The following SEPTIN9 variants were observed in gnomAD, a reference collection of about 807,000 sequenced individuals.
The protein encoded by SEPTIN9 is septin-9.
Under a neutral mutation model 56.6 loss-of-function variants are expected in SEPTIN9, and 13 were observed. That is an observed-to-expected ratio of 0.23 (90% CI 0.15 to 0.37). SEPTIN9 has a LOEUF of 0.37. Among genes scored for constraint, SEPTIN9 ranks in the 10% least tolerant of loss-of-function variants. The pLI, the probability that SEPTIN9 is intolerant of heterozygous loss-of-function variation, is 1.00. For synonymous variants in SEPTIN9, 332 were observed against 334.1 expected, an observed-to-expected ratio of 0.99 and a Z score of 0.07; for missense variants, 650 against 823.1, an observed-to-expected ratio of 0.79 and a Z score of 2.57.
chr17:77,359,882 C>T (rs412112), intron 2 of SEPTIN9, among the ~76,000 whole-genome samples: 41,469 of 151,864 alleles, frequency 0.27, 6,562 homozygotes, highest in East Asian at 0.8. Context: ...ATAGCAAACC[C>T]GGGTGGGCGC....
chr17:77,444,967 C>T (rs1325205104), intron 3 of SEPTIN9: 4 of 367,774 alleles, frequency 1.1e-5, no homozygotes, highest in Admixed American at 3.9e-5. Flanking sequence ...GCATCCTGAA[C>T]GTTCTCCCAG....
In SEPTIN9 at chr17:77,329,333, C is replaced by T. The variant is rs1446491905; in HGVS notation, c.76+22136C>T. Among the ~76,000 whole-genome samples, 5 of 152,188 alleles carry T rather than the reference C, an allele frequency of 3.3e-5. No individual in the cohort carries two copies. Among genetic ancestry groups the T allele is most frequent in the African/African-American group, 1.2e-4 (5 of 41,450 alleles). ...GATGGACCCACCTGCCTGGCTGCCC[C>T]CGTCAGCATCCAGCAGAGGCCACTG... On this transcript the variant is annotated intron_variant, in intron 2 of 11. Coordinates refer to ENST00000427177, the MANE Select transcript of SEPTIN9 (RefSeq NM_001113491.2). The surrounding 1 kb of genome is among the most constrained non-coding windows in gnomAD (Gnocchi z 4.3).
intron 1 of SEPTIN9, among the ~76,000 whole-genome samples, chr17:77,295,299 G>A (rs2031759675): frequency 6.6e-6 from 1 of 152,176 alleles, no homozygotes; most frequent in Admixed American, 6.5e-5. Flanking sequence ...CCTGGAGATT[G>A]GCAGCAGGGT....
At chr17:77,496,031 C>CTTTTTTT (rs534634574) in intron 10 of SEPTIN9, among the ~76,000 whole-genome samples, 1 of 140,210 alleles carries the variant, frequency 7.1e-6, no homozygotes, top group Non-Finnish European at 1.6e-5. Flanking sequence ...TTTTCTTTTT[C>CTTTTTTT]TTTTTTTTTT....
In SEPTIN9 at chr17:77,327,336, C is replaced by G. The variant is rs368957364; in HGVS notation, c.76+20139C>G. ...CCGTCTCTTGCTCTGGGCACCCCCC[C>G]ACTCCGAACGGCCAGAGCTTCTGAA... On this transcript the variant is annotated intron_variant, in intron 2 of 11. Coordinates refer to ENST00000427177, the MANE Select transcript of SEPTIN9 (RefSeq NM_001113491.2). This position sits in a 1 kb window ranked among gnomAD's most constrained non-coding sequence, Gnocchi z 5.0. 7.7e-4 allele frequency among the ~76,000 whole-genome samples: 117 copies of G among 152,222 alleles called. No homozygotes were observed. The East Asian group carries it at 0.011, about 14-fold the overall frequency.
intron 2 of SEPTIN9, among the ~76,000 whole-genome samples, chr17:77,335,361 C>T (rs1030468252): frequency 2.0e-5 from 3 of 149,266 alleles, no homozygotes; most frequent in African/African-American, 4.9e-5. Flanking sequence ...AGTATATGTA[C>T]ATATATACAT....
intron 1 of SEPTIN9, among the ~76,000 whole-genome samples, chr17:77,298,790 C>T (rs1002815034): frequency 2.6e-5 from 4 of 152,206 alleles, no homozygotes; most frequent in African/African-American, 9.6e-5. Context: ...ATCCAATACA[C>T]AGGCTGACTT....
chr17:77,350,792 G>A (rs1279592743), intron 2 of SEPTIN9, among the ~76,000 whole-genome samples: 1 of 152,236 alleles, frequency 6.6e-6, no homozygotes, highest in Admixed American at 6.5e-5. Flanking sequence ...GATGCCACGA[G>A]GCATGCCTTC....
At position 77,475,226 on chromosome 17, in the gene SEPTIN9, C is replaced by T. The variant is rs150644254; in HGVS notation, c.722-6918C>T. ...TGGGGGGGTTGTGGTGAGAGGAAAC[C>T]GCACACATCATTATTCAGTTACCAT... is the stretch of plus-strand genomic sequence containing the variant. On this transcript the variant is annotated intron_variant, in intron 3 of 11. Coordinates refer to ENST00000427177, the MANE Select transcript of SEPTIN9 (RefSeq NM_001113491.2). The surrounding 1 kb of genome is among the most constrained non-coding windows in gnomAD (Gnocchi z 4.6). The T allele has an allele frequency of 2.6e-5, 33 of 1,290,818 alleles. No individual in the cohort carries two copies. The Middle Eastern group carries it at 9.0e-4, about 35-fold the overall frequency. 80.0% of individuals were successfully genotyped at this position (1,290,818 alleles called of 1,614,324 possible).
intron 2 of SEPTIN9, among the ~76,000 whole-genome samples, chr17:77,345,665 C>T (rs984404088): frequency 9.2e-5 from 14 of 152,164 alleles, no homozygotes; most frequent in Non-Finnish European, 2.9e-5. Context: ...GCAGGCCCCA[C>T]TGGGCACACG....
intron 3 of SEPTIN9, among the ~76,000 whole-genome samples, chr17:77,461,268 T>C (rs896220898): frequency 6.6e-6 from 1 of 152,000 alleles, no homozygotes; most frequent in Non-Finnish European, 1.5e-5. Flanking sequence ...ATCACACCAC[T>C]GCACTCCAGC....
At position 77,434,627 on chromosome 17, in the gene SEPTIN9, C is replaced by T. The variant is rs955158379; in HGVS notation, c.721+31924C>T. Among the ~76,000 whole-genome samples the T allele has an allele frequency of 1.1e-4, 16 of 152,158 alleles. No individual in the cohort carries two copies. The highest frequency in any genetic ancestry group is 3.9e-4 in the African/African-American group (16 of 41,438). On this transcript the variant is annotated intron_variant, in intron 3 of 11. Transcript: ENST00000427177. The surrounding 1 kb of genome is among the most constrained non-coding windows in gnomAD (Gnocchi z 5.0). ...CCTGGCAGGACCTGCACCATGACCC[C>T]CGTCAAAGCTCACGTCCAAGGCATT... is the stretch of plus-strand genomic sequence containing the variant.
chr17:77,410,750 A>C (rs2036267704), intron 3 of SEPTIN9, among the ~76,000 whole-genome samples: 1 of 152,162 alleles, frequency 6.6e-6, no homozygotes, highest in Admixed American at 6.5e-5. Context: ...CACAACCCTT[A>C]CTTAATCAGC....
chr17:77,385,947 C>T (rs75116192), intron 2 of SEPTIN9, among the ~76,000 whole-genome samples: 112 of 152,326 alleles, frequency 7.4e-4, no homozygotes, highest in African/African-American at 2.6e-3. Flanking sequence ...ACAGACCTCA[C>T]CGTGGCCCTC....
At chr17:77,382,419 G>A (rs760653679) in intron 2 of SEPTIN9, among the ~76,000 whole-genome samples, 26 of 152,228 alleles carry the variant, frequency 1.7e-4, no homozygotes, top group Non-Finnish European at 3.7e-4. Flanking sequence ...GGTGGGAGGT[G>A]GGGGAGAGGG....
In SEPTIN9 at chr17:77,402,345, C is replaced by T. The variant is rs767978267; in HGVS notation, c.363C>T (p.Asn121=). The change falls in exon 3 of 12, where the codon AAC becomes AAT. Residue 121 remains asparagine, a synonymous_variant. Transcript: ENST00000427177. This position sits in a 1 kb window ranked among gnomAD's most constrained non-coding sequence, Gnocchi z 6.6. ...SIDISSKQVE[N]AGAIGPSRFG... ...ACATCTCGTCCAAGCAGGTGGAGAACGCCGGGGCCATCGGCCCGTCCCGGT... is the reference window on the plus strand; with the variant it reads ...ACATCTCGTCCAAGCAGGTGGAGAATGCCGGGGCCATCGGCCCGTCCCGGT... The T allele has an allele frequency of 1.7e-5, 28 of 1,612,452 alleles. No individual in the cohort carries two copies. The East Asian group carries it at 2.0e-4, about 12-fold the overall frequency.
At chr17:77,284,966 A>G (rs2031210037) in intron 1 of SEPTIN9, among the ~76,000 whole-genome samples, 1 of 152,166 alleles carries the variant, frequency 6.6e-6, no homozygotes, top group Non-Finnish European at 1.5e-5. Context: ...ATGTTGTTGT[A>G]AAGGTTAAAC....
rs9893683 is a variant in SEPTIN9 at position 77,421,037 on chromosome 17, G to T, written c.721+18334G>T. On this transcript the variant is annotated intron_variant, in intron 3 of 11. Coordinates refer to ENST00000427177, the MANE Select transcript of SEPTIN9 (RefSeq NM_001113491.2). The surrounding 1 kb of genome is among the most constrained non-coding windows in gnomAD (Gnocchi z 4.6). ...AGCCTGGCTGCTGAGCTGTCCTGGA[G>T]ACGGGGTACTGTGCAGTGGTCGGGG... 3.1e-3 allele frequency among the ~76,000 whole-genome samples: 467 copies of T among 152,338 alleles called. 2 individuals carry two copies. The highest frequency in any genetic ancestry group is 0.011 in the African/African-American group (437 of 41,578).
intron 3 of SEPTIN9, chr17:77,444,770 GC>G (rs1042330696): frequency 6.2e-5 from 14 of 224,244 alleles, no homozygotes; most frequent in Non-Finnish European, 7.3e-5. Context: ...TTTTTCAAGA[GC>G]TGGGTTAATA....
Sources: allele counts gnomAD v4.1 joint callset (sites outside exome capture counted in the v4.1 genomes callset), GRCh38; gene constraint gnomAD v4.1.1; non-coding constraint Gnocchi (gnomAD v3.1); transcripts MANE v1.5; gene names NCBI Gene and HGNC (gene_info 2026-07-23, HGNC 2026-07-21).